Variants in GPI observed in about 807,000 individuals in gnomAD.
GPI encodes glucose-6-phosphate isomerase, also known as D-hexose-6-phosphate anomerase.
GPI carries 56 observed loss-of-function variants against 75.8 expected under a neutral mutation model. The ratio of observed to expected loss-of-function variants is 0.74; its 90% CI spans 0.60 to 0.92. The LOEUF is 0.92. GPI is among the 40% of genes least tolerant of loss of function. GPI has a pLI of 0.00. For missense variants in GPI, 638 were observed against 741.0 expected (o/e 0.86, Z 1.61); for synonymous variants, 288 against 285.4 (o/e 1.01, Z -0.09).
intron 9 of GPI, among the ~76,000 whole-genome samples, chr19:34,390,352 T>C (rs1489050257): frequency 6.6e-6 from 1 of 152,050 alleles, no homozygotes; most frequent in Admixed American, 6.6e-5. Context: ...GCTGGGTCTT[T>C]CATTGTCCAA....
intron 3 of GPI, 125 bp downstream of exon 3, chr19:34,366,976 C>A: frequency 1.3e-6 from 1 of 793,236 alleles, no homozygotes; most frequent in Non-Finnish European, 2.2e-6. Flanking sequence ...AATGAGGGGC[C>A]TGAAGGCCTT....
At chr19:34,397,808 TCTTTTA>T (rs1375812328) in intron 14 of GPI, 2 of 150,294 alleles carry the variant, frequency 1.3e-5, no homozygotes, top group Admixed American at 6.7e-5. Context: ...TGCCTGGCCC[TCTTTTA>T]CTTTTAAGGG....
At position 34,399,538 on chromosome 19, in the gene GPI, C is replaced by T. The variant is rs547115276; in HGVS notation, c.1399-18C>T. The T allele has an allele frequency of 6.2e-7, 1 of 1,612,562 alleles. No individual in the cohort carries two copies. Among genetic ancestry groups the T allele is most frequent in the South Asian group, 1.1e-5 (1 of 91,026 alleles). The stretch of plus-strand genomic sequence containing the variant: ...GGATCAGGACTCTCTTGGAGACATT[C>T]CTTGGTGTTTTCTGCAGGTCTTTGA... On this transcript the variant is annotated intron_variant, in intron 15 of 17. Coordinates refer to ENST00000356487, the MANE Select transcript of GPI (RefSeq NM_000175.5).
chr19:34,361,094 T>C (rs1218214805), upstream of GPI, among the ~76,000 whole-genome samples: 1 of 151,262 alleles, frequency 6.6e-6, no homozygotes, highest in African/African-American at 2.4e-5. Context: ...CACATTTCTT[T>C]CTTTCCTTTT....
intron 4 of GPI, among the ~76,000 whole-genome samples, chr19:34,373,898 CA>C: frequency 6.6e-6 from 1 of 152,276 alleles, no homozygotes; most frequent in South Asian, 2.1e-4. Context: ...GTGAGTGATC[CA>C]ATAGAGAGTA....
chr19:34,381,105 G>C, intron 8 of GPI: 1 of 378,964 alleles, frequency 2.6e-6, no homozygotes, highest in Non-Finnish European at 5.1e-6. Context: ...CCTAGGTTCG[G>C]TTCCCAGATG....
intron 14 of GPI, 85 bp from the exon 15 acceptor site, chr19:34,399,122 C>G: frequency 7.2e-7 from 1 of 1,384,238 alleles, no homozygotes; most frequent in Non-Finnish European, 1.0e-6. Context: ...GGGACTGACC[C>G]CTGCTGAGAA....
chr19:34,368,855 C>A, intron 4 of GPI, 153 bp downstream of exon 4: 2 of 828,652 alleles, frequency 2.4e-6, no homozygotes, highest in Non-Finnish European at 4.0e-6. Flanking sequence ...TGATCGCTGA[C>A]CCTGGAGTCT....
At chr19:34,391,397 G>A (rs2074829232) in intron 9 of GPI, among the ~76,000 whole-genome samples, 1 of 112,420 alleles carries the variant, frequency 8.9e-6, no homozygotes, top group African/African-American at 3.4e-5. Context: ...GAGGAGGTAG[G>A]AATCTGGTAC....
Position 34,401,172 on chromosome 19 carries a change from G to A in GPI, c.*1136G>A, listed in dbSNP as rs1357879358. The A allele has an allele frequency of 6.6e-6, 1 of 151,786 alleles. No homozygotes were observed. Among genetic ancestry groups the A allele is most frequent in the East Asian group, 1.9e-4 (1 of 5,154 alleles). 9.4% of individuals were successfully genotyped at this position (151,786 alleles called of 1,614,324 possible). A position where few individuals can be genotyped will look rare whatever the true frequency, so the allele number is the denominator to read the frequency against. On this transcript the variant is annotated 3_prime_UTR_variant, in exon 18 of 18. Coordinates refer to ENST00000356487, the MANE Select transcript of GPI (RefSeq NM_000175.5). ...GCCTCCCAAGTAGTTGAGACTACAGGTTGTACCACTATGCCCTGCTAGTTT... is the reference window on the plus strand; with the variant it reads ...GCCTCCCAAGTAGTTGAGACTACAGATTGTACCACTATGCCCTGCTAGTTT...
chr19:34,379,252 T>C (rs759063383), intron 7 of GPI, among the ~76,000 whole-genome samples: 2 of 152,220 alleles, frequency 1.3e-5, no homozygotes, highest in Non-Finnish European at 2.9e-5. Context: ...TGCAGGCCCT[T>C]GGCGCTGCAG....
At position 34,393,558 on chromosome 19, in the gene GPI, C is replaced by T. The variant is rs1053128351; in HGVS notation, c.866-170C>T. 6.8e-6 allele frequency: 5 copies of T among 733,046 alleles called. No individual in the cohort carries two copies. The highest frequency in any genetic ancestry group is 5.2e-5 in the African/African-American group (3 of 57,780). 45.4% of individuals were successfully genotyped at this position (733,046 alleles called of 1,614,324 possible). On this transcript the variant is annotated intron_variant, in intron 10 of 17. Transcript: ENST00000356487. The surrounding 1 kb of genome is among the most constrained non-coding windows in gnomAD (Gnocchi z 4.4). Reference sequence around the variant, plus strand: ...TCCTATCCTAGGCAGAGTCAGATCCCTGCACTCAGGGCCACCTCTCACTGG... The same window carrying T: ...TCCTATCCTAGGCAGAGTCAGATCCTTGCACTCAGGGCCACCTCTCACTGG...
intron 8 of GPI, chr19:34,381,166 T>C: frequency 2.1e-6 from 1 of 484,058 alleles, no homozygotes; most frequent in South Asian, 2.0e-5. Context: ...TGAGAGCTGT[T>C]GCAGAGCAGT....
rs1287872884 is a variant in GPI, at chr19:34,377,328, A to T, written c.403-175A>T. Reference sequence around the variant, plus strand: ...AAAAAAAAAAAAAAAAAAAAAAAAAAAAAAAAAAATATATATATATATATA... The same window carrying T: ...AAAAAAAAAAAAAAAAAAAAAAAAATAAAAAAAAATATATATATATATATA... On this transcript the variant is annotated intron_variant, in intron 4 of 17. Coordinates refer to ENST00000356487, the MANE Select transcript of GPI (RefSeq NM_000175.5). Among the ~76,000 whole-genome samples, 115 of 86,944 alleles carry T rather than the reference A, an allele frequency of 1.3e-3. 2 individuals carry two copies. Among genetic ancestry groups the T allele is most frequent in the South Asian group, 5.8e-3 (12 of 2,072 alleles). The allele number at this position is 86,944 out of a possible 152,430, so 57.0% of individuals were successfully genotyped here.
At position 34,396,434 on chromosome 19, in the gene GPI, G is replaced by T; in HGVS notation, c.1192+4G>T. On this transcript the variant is annotated splice_donor_region_variant and intron_variant, in intron 13 of 17. Transcript: ENST00000356487. ...TTTTACCAGCTCATCCACCAAGGTAGGCCCCTGTGGCCTGGGAAGGGTGAT... is the reference window on the plus strand; with the variant it reads ...TTTTACCAGCTCATCCACCAAGGTATGCCCCTGTGGCCTGGGAAGGGTGAT... 1 of 1,614,108 alleles carries T rather than the reference G, an allele frequency of 6.2e-7. No homozygotes were observed. The highest frequency in any genetic ancestry group is 8.5e-7 in the Non-Finnish European group (1 of 1,179,942).
chr19:34,372,482 A>G lies in GPI; in HGVS notation c.402+3780A>G, dbSNP rs376962389. ...CATAACAAGACCCTGCCTTTAACAA[A>G]AATTTAAAAATTAGCCAGCTGTGGT... On this transcript the variant is annotated intron_variant, in intron 4 of 17. Transcript: ENST00000356487. Among the ~76,000 whole-genome samples the G allele has an allele frequency of 1.6e-4, 25 of 152,240 alleles. No individual in the cohort carries two copies. In the South Asian group the frequency reaches 4.6e-3, roughly 28 times the overall value.
rs1355057744 is a variant in GPI at position 34,401,607 on chromosome 19, G to C, written c.*1571G>C. 6.6e-6 allele frequency: 1 copy of C among 152,250 alleles called. No homozygotes were observed. Among genetic ancestry groups the C allele is most frequent in the Non-Finnish European group, 1.5e-5 (1 of 68,102 alleles). 9.4% of individuals were successfully genotyped at this position (152,250 alleles called of 1,614,324 possible). A position where few individuals can be genotyped will look rare whatever the true frequency, so the allele number is the denominator to read the frequency against. ...TCCCACCTCAGCCTCCCACAGTGCT[G>C]GGATTACAGGCGTGAGCCGCCACAC... On this transcript the variant is annotated 3_prime_UTR_variant, in exon 18 of 18. Transcript: ENST00000356487.
At position 34,388,410 on chromosome 19, in the gene GPI, G is replaced by A. The variant is rs1006134405; in HGVS notation, c.805-4838G>A. Among the ~76,000 whole-genome samples the A allele has an allele frequency of 3.9e-5, 6 of 152,166 alleles. No homozygotes were observed. The East Asian group carries it at 1.2e-3, about 29-fold the overall frequency. ...GAATTGCTTGAACCTGGCAGGCAGA[G>A]GTTGCAGTGAGCTGAGATCATGCCA... On this transcript the variant is annotated intron_variant, in intron 9 of 17. Coordinates refer to ENST00000356487, the MANE Select transcript of GPI (RefSeq NM_000175.5).
At position 34,399,781 on chromosome 19, in the gene GPI, TG is replaced by T; in HGVS notation, c.1541+1del. On this transcript the variant is annotated frameshift_variant, in exon 17 of 18. Transcript: ENST00000356487. LOFTEE classifies it high-confidence loss of function. ...CTGGGACATCAACAGCTTTGACCAGTGGGGGTGAGTTGCTCACTTAGGGGAG... is the reference window on the plus strand; with the variant it reads ...CTGGGACATCAACAGCTTTGACCAGTGGGGTGAGTTGCTCACTTAGGGGAG... ...IIWDINSFDQ[W>X]GVELGKQLAK... The T allele has an allele frequency of 6.2e-7, 1 of 1,613,866 alleles. No individual in the cohort carries two copies. The highest frequency in any genetic ancestry group is 8.5e-7 in the Non-Finnish European group (1 of 1,179,922).
Sources: allele counts gnomAD v4.1 joint callset (sites outside exome capture counted in the v4.1 genomes callset), GRCh38; gene constraint gnomAD v4.1.1; non-coding constraint Gnocchi (gnomAD v3.1); transcripts MANE v1.5; gene names NCBI Gene and HGNC (gene_info 2026-07-23, HGNC 2026-07-21).